ZNF8: variants seen among roughly 807,000 people sequenced by gnomAD.
The protein encoded by ZNF8 is zinc finger protein 272.
ZNF8 carries 9 observed loss-of-function variants against 12.2 expected under a neutral mutation model. That is an observed-to-expected ratio of 0.73 (90% CI 0.44 to 1.28). The LOEUF (loss-of-function observed/expected upper bound fraction) is 1.28. Among genes scored for constraint, ZNF8 ranks in the 50% most tolerant of loss-of-function variants. The probability of loss-of-function intolerance (pLI) is 0.00; values close to 1 mark genes in which losing one functional copy is unlikely to be tolerated. For missense variants in ZNF8, 664 were observed against 729.1 expected (o/e 0.91, Z 1.03); for synonymous variants, 274 against 282.3 (o/e 0.97, Z 0.30).
rs2051492394 is a variant in ZNF8, at chr19:58,301,684, G to C, written c.*6148G>C. The C allele has an allele frequency of 1.3e-5, 2 of 152,346 alleles. No individual in the cohort carries two copies. The allele number at this position is 152,346 out of a possible 1,614,324, so 9.4% of individuals were successfully genotyped here. ...GTTGATACTTCTCTGAGGGGGCATG[G>C]GGTTGGCTGAGGTTATAGCAGCCCC... On this transcript the variant is annotated 3_prime_UTR_variant, in exon 4 of 4. Transcript: ENST00000621650.
rs74771247 is a variant in ZNF8, at chr19:58,285,848, G to C, written c.193+5G>C. On this transcript the variant is annotated splice_donor_5th_base_variant and intron_variant, in intron 2 of 3. Coordinates refer to ENST00000621650, the MANE Select transcript of ZNF8 (RefSeq NM_021089.3). ...TTGGTCACCTGCTCTCCATAGGTAA[G>C]CCCTGCTTCGCAAGGTGTGATAGCT... is the stretch of plus-strand genomic sequence containing the variant. The C allele has an allele frequency of 2.2e-3, 3,521 of 1,603,798 alleles. 41 individuals are homozygous for C. In the African/African-American group the frequency reaches 0.033, roughly 15 times the overall value.
At chr19:58,279,313 C>CAG in intron 1 of ZNF8, 166 bp downstream of exon 1, 1 of 1,494,014 alleles carries the variant, frequency 6.7e-7, no homozygotes, top group Non-Finnish European at 8.9e-7. Flanking sequence ...CCTGGCTGGT[C>CAG]AGAGAGGGGG....
In ZNF8 at chr19:58,279,156, A is replaced by T; in HGVS notation, c.66+9A>T. The T allele has an allele frequency of 1.3e-6, 2 of 1,559,078 alleles. No homozygotes were observed. Among genetic ancestry groups the T allele is most frequent in the Non-Finnish European group, 1.7e-6 (2 of 1,152,756 alleles). ...CGGCGGCCCGGCTTCAGGTAACAATAACAACAATAACGACGGCGGCGGGCT... is the reference window on the plus strand; with the variant it reads ...CGGCGGCCCGGCTTCAGGTAACAATTACAACAATAACGACGGCGGCGGGCT... On this transcript the variant is annotated intron_variant, in intron 1 of 3. Transcript: ENST00000621650.
chr19:58,302,310 T>C lies in ZNF8; in HGVS notation c.*6774T>C, dbSNP rs1259015979. 2.6e-5 allele frequency: 4 copies of C among 152,354 alleles called. No individual in the cohort carries two copies. Among genetic ancestry groups the C allele is most frequent in the Admixed American group, 2.0e-4 (3 of 15,308 alleles). The allele number at this position is 152,354 out of a possible 1,614,324, so 9.4% of individuals were successfully genotyped here. A position where few individuals can be genotyped will look rare whatever the true frequency, so the allele number is the denominator to read the frequency against. On this transcript the variant is annotated 3_prime_UTR_variant, in exon 4 of 4. Coordinates refer to ENST00000621650, the MANE Select transcript of ZNF8 (RefSeq NM_021089.3). ...TAAAAGTAAAAAAAAAATGAAAACT[T>C]GTGTAAAATTCCTCATACTTTAGCC...
At chr19:58,293,355 C>A (rs531253563) in intron 3 of ZNF8, among the ~76,000 whole-genome samples, 10 of 152,324 alleles carry the variant, frequency 6.6e-5, no homozygotes, top group African/African-American at 1.9e-4. Context: ...TCCCTCGATA[C>A]GTTCCTTCAG....
chr19:58,286,418 G>T (rs1306723508), intron 3 of ZNF8: 2 of 452,732 alleles, frequency 4.4e-6, no homozygotes, highest in South Asian at 2.8e-5. Context: ...AGGAAGCCAG[G>T]CATGAGCCTC....
intron 3 of ZNF8, among the ~76,000 whole-genome samples, chr19:58,291,917 G>A (rs538237427): frequency 6.6e-6 from 1 of 152,244 alleles, no homozygotes; most frequent in African/African-American, 2.4e-5. Context: ...GAGGAGCCAT[G>A]TGGAGCAGAG....
rs761987109 is a variant in ZNF8, at chr19:58,295,247, C to G, written c.1439C>G (p.Ser480Cys). ...NQCGKCFIQS[S>C]HLIRHQITHT... is the part of the protein sequence containing the mutation. Reference sequence around the variant, plus strand: ...TGTGGGAAGTGTTTCATTCAGAGCTCTCACCTCATCCGGCACCAGATAACT... The same window carrying G: ...TGTGGGAAGTGTTTCATTCAGAGCTGTCACCTCATCCGGCACCAGATAACT... The change falls in exon 4 of 4, where the codon TCT becomes TGT. Residue 480 changes from serine (S) to cysteine (C), a missense_variant. This residue lies in a region of ZNF8 where 225 missense variants were observed against 222.0 expected (regional missense o/e 1.01). Transcript: ENST00000621650. 6.2e-7 allele frequency: 1 copy of G among 1,614,108 alleles called. No individual in the cohort carries two copies. Among genetic ancestry groups the G allele is most frequent in the Non-Finnish European group, 8.5e-7 (1 of 1,180,060 alleles).
chr19:58,283,404 G>A (rs374534845), intron 1 of ZNF8, among the ~76,000 whole-genome samples: 5 of 152,074 alleles, frequency 3.3e-5, no homozygotes, highest in African/African-American at 1.2e-4. Flanking sequence ...TTTAGGATTA[G>A]ATAAGGTTAT....
At chr19:58,287,266 T>C (rs2051388948) in intron 3 of ZNF8, among the ~76,000 whole-genome samples, 1 of 151,594 alleles carries the variant, frequency 6.6e-6, no homozygotes, top group African/African-American at 2.4e-5. Context: ...CTCGAACTCC[T>C]GGGCTCAAGC....
rs1052865207 is a variant in ZNF8 at position 58,297,214 on chromosome 19, CAG to C, written c.*1681_*1682del. ...CACCACTGCACTCCAGCCTGGGTGA[CAG>C]AGCAAGACTCTGTCTCAGAAAAAAA... On this transcript the variant is annotated 3_prime_UTR_variant, in exon 4 of 4. Transcript: ENST00000621650. 1.5e-4 allele frequency: 22 copies of C among 149,522 alleles called. No homozygotes were observed. The highest frequency in any genetic ancestry group is 5.2e-4 in the African/African-American group (21 of 40,430). 9.3% of individuals were successfully genotyped at this position (149,522 alleles called of 1,614,324 possible). A position where few individuals can be genotyped will look rare whatever the true frequency, so the allele number is the denominator to read the frequency against.
intron 2 of ZNF8, 50 bp from the exon 3 acceptor site, chr19:58,286,060 G>GT (rs1289817535): frequency 6.3e-7 from 1 of 1,580,786 alleles, no homozygotes. Context: ...TGGGCTTGTT[G>GT]TTTCTCTCCT....
chr19:58,285,958 A>G (rs2051380458), intron 2 of ZNF8, 115 bp downstream of exon 2: 2 of 1,465,132 alleles, frequency 1.4e-6, no homozygotes, highest in African/African-American at 1.4e-5. Context: ...GTGCATGAAG[A>G]GGGAGGTCTG....
rs756778974 is a variant in ZNF8 at position 58,285,700 on chromosome 19, T to C, written c.67-17T>C. On this transcript the variant is annotated splice_polypyrimidine_tract_variant and intron_variant, in intron 1 of 3. Transcript: ENST00000621650. ...TGGAGATAGTCCAGCTGATTGAGAATGTGTGTGATGTTTCAGGAACCAGTG... is the reference window on the plus strand; with the variant it reads ...TGGAGATAGTCCAGCTGATTGAGAACGTGTGTGATGTTTCAGGAACCAGTG... 2 of 1,614,136 alleles carry C rather than the reference T, an allele frequency of 1.2e-6. No homozygotes were observed. The highest frequency in any genetic ancestry group is 1.3e-5 in the African/African-American group (1 of 75,024).
At position 58,278,995 on chromosome 19, in the gene ZNF8, T is replaced by G; in HGVS notation, c.-87T>G. The G allele has an allele frequency of 3.0e-6, 4 of 1,338,818 alleles. No individual in the cohort carries two copies. The highest frequency in any genetic ancestry group is 3.9e-6 in the Non-Finnish European group (4 of 1,035,118). The allele number at this position is 1,338,818 out of a possible 1,614,324, so 82.9% of individuals were successfully genotyped here. On this transcript the variant is annotated 5_prime_UTR_variant, in exon 1 of 4. Transcript: ENST00000621650. ...CCGGTGCGGCCGCCATTGTCCGGCG[T>G]TCGGCGAGTCGGGTGGTCCCTTTGG...
chr19:58,293,342 C>A (rs1037266621), intron 3 of ZNF8, among the ~76,000 whole-genome samples: 26 of 152,208 alleles, frequency 1.7e-4, no homozygotes, highest in African/African-American at 5.5e-4. Flanking sequence ...CTCATTCATT[C>A]ATTCCCTCGA....
intron 1 of ZNF8, among the ~76,000 whole-genome samples, chr19:58,282,162 T>TGTTTG (rs1223104488): frequency 1.3e-5 from 2 of 152,266 alleles, no homozygotes; most frequent in Non-Finnish European, 1.5e-5. Flanking sequence ...GGTTTTGTTT[T>TGTTTG]GTTTTTTAAC....
In ZNF8 at chr19:58,294,934, A is replaced by G; in HGVS notation, c.1126A>G (p.Lys376Glu). 1 of 1,614,156 alleles carries G rather than the reference A, an allele frequency of 6.2e-7. No homozygotes were observed. Among genetic ancestry groups the G allele is most frequent in the Non-Finnish European group, 8.5e-7 (1 of 1,180,020 alleles). The change falls in exon 4 of 4, where the codon AAA (lysine) becomes GAA (glutamate). Residue 376 changes from lysine to glutamate, a missense_variant. Physicochemically the swap from Lys to Glu is moderately conservative, Grantham distance 56. Around this residue, in one of 3 missense-constraint regions of ZNF8, gnomAD observed 133 missense variants for 198.4 expected, o/e 0.67. Transcript: ENST00000621650. This position sits in a 1 kb window ranked among gnomAD's most constrained non-coding sequence, Gnocchi z 5.5. ...EKPYTCSVCG[K>E]SFSRTTCLFL... Reference sequence around the variant, plus strand: ...GCCATACACCTGCAGTGTGTGTGGGAAATCCTTCTCTCGGACCACTTGCCT... The same window carrying G: ...GCCATACACCTGCAGTGTGTGTGGGGAATCCTTCTCTCGGACCACTTGCCT...
At chr19:58,280,834 A>AT (rs1482838493) in intron 1 of ZNF8, among the ~76,000 whole-genome samples, 1 of 152,128 alleles carries the variant, frequency 6.6e-6, no homozygotes, top group Non-Finnish European at 1.5e-5. Flanking sequence ...TCCTTGCCTC[A>AT]TGGCCCTTTG....
Sources: allele counts gnomAD v4.1 joint callset (sites outside exome capture counted in the v4.1 genomes callset), GRCh38; gene constraint gnomAD v4.1.1; regional missense constraint gnomAD v4.1.1; non-coding constraint Gnocchi (gnomAD v3.1); transcripts MANE v1.5; gene names NCBI Gene and HGNC (gene_info 2026-07-23, HGNC 2026-07-21).